Variants in PLSCR2 observed in about 807,000 individuals in gnomAD.
PLSCR2 encodes the protein phospholipid scramblase 2, also known as PL scramblase 2.
A neutral mutation model predicts 25.3 loss-of-function variants in PLSCR2; 18 were observed. That is an observed-to-expected ratio of 0.71 (90% CI 0.49 to 1.06). The LOEUF (loss-of-function observed/expected upper bound fraction) is 1.06. Among genes scored for constraint, PLSCR2 ranks in the 50% least tolerant of loss-of-function variants. The probability of loss-of-function intolerance (pLI) is 0.00; values close to 1 mark genes in which losing one functional copy is unlikely to be tolerated. For synonymous variants in PLSCR2, 88 were observed against 87.3 expected (o/e 1.01, Z -0.04); for missense variants, 243 against 269.5 (o/e 0.90, Z 0.69).
At chr3:146,469,364 C>G (rs1241947781) in intron 1 of PLSCR2, 131 bp downstream of exon 1, 5 of 964,246 alleles carry the variant, frequency 5.2e-6, no homozygotes, top group East Asian at 1.1e-4. Context: ...CTTCAGGTGT[C>G]GCTTCCCGCG....
intron 1 of PLSCR2, among the ~76,000 whole-genome samples, chr3:146,491,036 G>A (rs936881699): frequency 2.6e-5 from 4 of 152,068 alleles, no homozygotes; most frequent in African/African-American, 9.7e-5. Context: ...TTGTAAGGCA[G>A]GCCTACTGGT....
intron 1 of PLSCR2, among the ~76,000 whole-genome samples, chr3:146,486,522 T>C (rs944646582): frequency 6.6e-5 from 10 of 150,950 alleles, no homozygotes; most frequent in African/African-American, 2.4e-4. Flanking sequence ...CAACAAACCA[T>C]CAGAGAATAT....
At chr3:146,434,426 G>A (rs1576615126) in intron 8 of PLSCR2, among the ~76,000 whole-genome samples, 1 of 151,980 alleles carries the variant, frequency 6.6e-6, no homozygotes, top group East Asian at 1.9e-4. Flanking sequence ...AAAATTTCAA[G>A]GAAAATGAAA....
chr3:146,477,450 C>T (rs1223230057), intron 1 of PLSCR2, among the ~76,000 whole-genome samples: 1 of 152,236 alleles, frequency 6.6e-6, no homozygotes, highest in Admixed American at 6.5e-5. Context: ...CCTGGCTCGG[C>T]ACGTCCCACA....
chr3:146,416,108 G>A (rs1008313552), intron 2 of PLSCR2, among the ~76,000 whole-genome samples: 14 of 151,858 alleles, frequency 9.2e-5, no homozygotes, highest in Admixed American at 3.9e-4. Flanking sequence ...CCACCACCAC[G>A]CCTGGCTAAT....
chr3:146,454,927 C>A (rs1454015242), intron 4 of PLSCR2, among the ~76,000 whole-genome samples: 1 of 152,102 alleles, frequency 6.6e-6, no homozygotes, highest in Non-Finnish European at 1.5e-5. Flanking sequence ...CTGCTGATTT[C>A]GACCATGCCT....
chr3:146,410,655 C>T lies in PLSCR2; in HGVS notation c.101-14734G>A, dbSNP rs1392230002. ...TTTTACCTAGACATCTTGGGCAGTA[C>T]CAACGTCTTGACATGCAAAACCTTA... On this transcript the variant is annotated intron_variant and NMD_transcript_variant, in intron 2 of 3. Transcript: ENST00000463633. Among the ~76,000 whole-genome samples, 3 of 152,190 alleles carry T rather than the reference C, an allele frequency of 2.0e-5. No homozygotes were observed. In the East Asian group the frequency reaches 5.8e-4, roughly 29 times the overall value.
At chr3:146,494,340 G>A (rs2043669351) in intron 1 of PLSCR2, among the ~76,000 whole-genome samples, 1 of 152,010 alleles carries the variant, frequency 6.6e-6, no homozygotes, top group Admixed American at 6.6e-5. Context: ...GAATGGCAAT[G>A]TACTTAATTT....
intron 2 of PLSCR2, among the ~76,000 whole-genome samples, chr3:146,406,405 G>A (rs1048346843): frequency 2.0e-5 from 3 of 152,062 alleles, no homozygotes; most frequent in Non-Finnish European, 4.4e-5. Flanking sequence ...GGCAGATTGT[G>A]TTGTTCTTTG....
intron 2 of PLSCR2, among the ~76,000 whole-genome samples, chr3:146,459,421 A>C (rs2041421930): frequency 6.6e-6 from 1 of 152,220 alleles, no homozygotes; most frequent in South Asian, 2.1e-4. Flanking sequence ...CCAGTTCATT[A>C]GGTTTTTAAT....
intron 1 of PLSCR2, among the ~76,000 whole-genome samples, chr3:146,492,016 T>C (rs2043569655): frequency 6.6e-6 from 1 of 152,174 alleles, no homozygotes; most frequent in Non-Finnish European, 1.5e-5. Context: ...TGTGTTTTTG[T>C]ATCCTTTGAT....
chr3:146,471,805 C>T (rs1455508067), intron 1 of PLSCR2, among the ~76,000 whole-genome samples: 1 of 152,128 alleles, frequency 6.6e-6, no homozygotes, highest in Non-Finnish European at 1.5e-5. Context: ...CACCTCAGAT[C>T]CACCCACCTT....
At chr3:146,428,238 G>A (rs1406039539) in intron 2 of PLSCR2, among the ~76,000 whole-genome samples, 1 of 152,178 alleles carries the variant, frequency 6.6e-6, no homozygotes, top group Non-Finnish European at 1.5e-5. Flanking sequence ...TTTGATTAAA[G>A]TTGAAATGTT....
chr3:146,409,060 G>A (rs372652592), intron 2 of PLSCR2, among the ~76,000 whole-genome samples: 8 of 152,162 alleles, frequency 5.3e-5, no homozygotes, highest in African/African-American at 1.9e-4. Context: ...TGAGTCCGGA[G>A]TACGGACTCC....
chr3:146,435,816 C>T (rs2108167935), intron 8 of PLSCR2, among the ~76,000 whole-genome samples: 1 of 152,192 alleles, frequency 6.6e-6, no homozygotes, highest in South Asian at 2.1e-4. Flanking sequence ...GTTGCCATTG[C>T]TTTTGGTGTT....
chr3:146,450,357 TAG>T (rs1366096561), intron 5 of PLSCR2, among the ~76,000 whole-genome samples: 1 of 152,248 alleles, frequency 6.6e-6, no homozygotes, highest in Admixed American at 6.5e-5. Context: ...TGATTCATTT[TAG>T]AGTGTTGGTG....
chr3:146,495,642 C>T (rs949301992), intron 1 of PLSCR2, among the ~76,000 whole-genome samples: 5 of 152,150 alleles, frequency 3.3e-5, no homozygotes, highest in African/African-American at 1.2e-4. Flanking sequence ...CCTCATCAGA[C>T]ACCAAATCTG....
chr3:146,479,482 A>G (rs1310345051), intron 1 of PLSCR2, among the ~76,000 whole-genome samples: 4 of 152,250 alleles, frequency 2.6e-5, no homozygotes, highest in Non-Finnish European at 5.9e-5. Context: ...ACAAAGATCA[A>G]AAGAGACAAA....
intron 1 of PLSCR2, among the ~76,000 whole-genome samples, chr3:146,484,998 G>A (rs1039284141): frequency 1.3e-5 from 2 of 151,924 alleles, no homozygotes; most frequent in Non-Finnish European, 2.9e-5. Context: ...CTGGCAAATT[G>A]GATAAGGAGT....
Sources: gnomAD v4.1 joint callset for allele counts (sites outside exome capture counted in the v4.1 genomes callset) on GRCh38, gnomAD v4.1.1 for gene constraint, MANE v1.5 for transcripts, NCBI Gene and HGNC (gene_info 2026-07-23, HGNC 2026-07-21) for gene names.